The following EPC1 variants were observed in gnomAD, a reference collection of about 807,000 sequenced individuals.
EPC1 encodes enhancer of polycomb homolog 1.
EPC1 carries 12 observed loss-of-function variants against 98.4 expected under a neutral mutation model. The ratio of observed to expected loss-of-function variants is 0.12; its 90% confidence interval spans 0.08 to 0.20. The LOEUF (loss-of-function observed/expected upper bound fraction) is 0.20, where lower values mean the gene tolerates loss of function less well. Ranked by LOEUF, EPC1 falls within the 10% of genes least tolerant of loss-of-function variation. The probability of loss-of-function intolerance (pLI) is 1.00; values close to 1 mark genes in which losing one functional copy is unlikely to be tolerated. For synonymous variants in EPC1, 357 were observed against 363.9 expected, an observed-to-expected ratio of 0.98 and a Z score of 0.21; for missense variants, 729 against 990.5, an observed-to-expected ratio of 0.74 and a Z score of 3.54.
chr10:32,347,992 A>G (rs990987062), upstream of EPC1, among the ~76,000 whole-genome samples: 2 of 152,222 alleles, frequency 1.3e-5, no homozygotes, highest in Admixed American at 1.3e-4. Flanking sequence ...ACCCACCACT[A>G]TAACATTTAA....
At chr10:32,355,500 T>C (rs1839244577) in intron 1 of EPC1, among the ~76,000 whole-genome samples, 1 of 152,048 alleles carries the variant, frequency 6.6e-6, no homozygotes, top group Non-Finnish European at 1.5e-5. Context: ...TTAAATCCAT[T>C]GACTGGCACA....
rs963795169 is a variant in EPC1, at chr10:32,347,087, C to T, written c.-172G>A. ...CAGCCGGGAGGGTGGGAGGCTGTGC[C>T]GCTCCGCTCCTCTCTCGCTCGCTCT... On this transcript the variant is annotated 5_prime_UTR_variant, in exon 1 of 14. Coordinates refer to ENST00000319778, the MANE Select transcript of EPC1 (RefSeq NM_001272004.3). 12 of 1,443,638 alleles carry T rather than the reference C, an allele frequency of 8.3e-6. No individual in the cohort carries two copies. In the African/African-American group the frequency reaches 1.7e-4, roughly 21 times the overall value. 89.4% of individuals were successfully genotyped at this position (1,443,638 alleles called of 1,614,324 possible). A position where few individuals can be genotyped will look rare whatever the true frequency, so the allele number is the denominator to read the frequency against.
chr10:32,271,467 A>G (rs532756461), intron 13 of EPC1, 87 bp downstream of exon 13: 24 of 1,404,334 alleles, frequency 1.7e-5, no homozygotes, highest in Admixed American at 4.5e-5. Flanking sequence ...AAGAACAAGA[A>G]ACACAAAGAA....
chr10:32,351,187 C>T (rs886670989), upstream of EPC1, among the ~76,000 whole-genome samples: 4 of 152,174 alleles, frequency 2.6e-5, no homozygotes, highest in African/African-American at 9.6e-5. Flanking sequence ...ATCTTCCCTT[C>T]CCCAAGTCAT....
At position 32,299,565 on chromosome 10, in the gene EPC1, T is replaced by TCATCATCATC. The variant is rs72050442; in HGVS notation, c.314-5829_314-5828insGATGATGATG. Among the ~76,000 whole-genome samples, 66 of 138,744 alleles carry TCATCATCATC rather than the reference T, an allele frequency of 4.8e-4. No individual in the cohort carries two copies. In the South Asian group the frequency reaches 4.9e-3, roughly 10 times the overall value. The allele number at this position is 138,744 out of a possible 152,430, so 91.0% of individuals were successfully genotyped here. The stretch of plus-strand genomic sequence containing the variant: ...CCATCATCATCATCATCATCATCAT[T>TCATCATCATC]ATTATTATTATTAGCACATTCCTCA... On this transcript the variant is annotated intron_variant, in intron 2 of 13. Transcript: ENST00000319778.
At chr10:32,317,908 T>C (rs1316841196) in intron 1 of EPC1, among the ~76,000 whole-genome samples, 1 of 152,186 alleles carries the variant, frequency 6.6e-6, no homozygotes, top group Non-Finnish European at 1.5e-5. Context: ...TGTGAAACAT[T>C]TGCCAATTTA....
chr10:32,318,847 GTCTT>G (rs1279719044), intron 1 of EPC1, among the ~76,000 whole-genome samples: 3 of 152,094 alleles, frequency 2.0e-5, no homozygotes, highest in Admixed American at 6.5e-5. Context: ...CTCTCCACTG[GTCTT>G]TCTAAGAGTT....
At chr10:32,336,319 C>T (rs868709807) in intron 1 of EPC1, among the ~76,000 whole-genome samples, 1 of 151,896 alleles carries the variant, frequency 6.6e-6, no homozygotes, top group African/African-American at 2.4e-5. Flanking sequence ...CCACCTGCCT[C>T]GGCTTCTCAA....
At chr10:32,331,827 A>G (rs1446040051) in intron 1 of EPC1, among the ~76,000 whole-genome samples, 2 of 152,232 alleles carry the variant, frequency 1.3e-5, no homozygotes, top group African/African-American at 4.8e-5. Context: ...ATGTACAAGT[A>G]GCCTAAGCAC....
upstream of EPC1, chr10:32,347,221 G>C (rs1283978616): frequency 1.6e-6 from 2 of 1,226,588 alleles, no homozygotes; most frequent in Non-Finnish European, 2.0e-6. Flanking sequence ...GGGCACGCGG[G>C]CGGGGGGAGG....
chr10:32,327,418 C>T (rs78959390), intron 1 of EPC1, among the ~76,000 whole-genome samples: 23,462 of 151,998 alleles, frequency 0.15, 2,081 homozygotes, highest in South Asian at 0.33. Context: ...AACGACAGCA[C>T]ATTATATGTT....
intron 1 of EPC1, among the ~76,000 whole-genome samples, chr10:32,370,221 T>A (rs80223711): frequency 0.027 from 4,127 of 152,284 alleles, 177 homozygotes; most frequent in African/African-American, 0.092. Context: ...CAGTCAATTT[T>A]TTGCTTCACT....
chr10:32,362,707 C>A (rs1379309151), intron 1 of EPC1, among the ~76,000 whole-genome samples: 5 of 152,178 alleles, frequency 3.3e-5, no homozygotes, highest in Non-Finnish European at 5.9e-5. Flanking sequence ...TCTCTCCCAC[C>A]TGGATAGTTT....
At chr10:32,293,335 A>T (rs1175345618) in intron 3 of EPC1, 141 bp from the exon 4 acceptor site, 6 of 756,036 alleles carry the variant, frequency 7.9e-6, no homozygotes, top group African/African-American at 3.5e-5. Flanking sequence ...TATGCCTGTC[A>T]GTCACTGAAC....
rs2132622041 is a variant in EPC1 at position 32,268,477 on chromosome 10, ATGTCACCATTTTTTT to A, written c.*571_*585del. ...TTTTTTTTTGTAAAATTCTGTATGT[ATGTCACCATTTTTTT>A]TCACATGATACACAGAAAACTCAAG... On this transcript the variant is annotated 3_prime_UTR_variant, in exon 14 of 14. Transcript: ENST00000319778. The A allele has an allele frequency of 8.9e-6, 1 of 111,998 alleles. No homozygotes were observed. The highest frequency in any genetic ancestry group is 9.9e-5 in the Admixed American group (1 of 10,118). The allele number at this position is 111,998 out of a possible 1,614,324, so 6.9% of individuals were successfully genotyped here. A position where few individuals can be genotyped will look rare whatever the true frequency, so the allele number is the denominator to read the frequency against.
intron 10 of EPC1, chr10:32,283,462 C>T (rs1274693869): frequency 6.6e-6 from 1 of 152,174 alleles, no homozygotes. Flanking sequence ...GCGCTCACCA[C>T]CACACCCAGT....
chr10:32,375,977 A>C (rs1839863832), intron 1 of EPC1, among the ~76,000 whole-genome samples: 1 of 152,024 alleles, frequency 6.6e-6, no homozygotes, highest in African/African-American at 2.4e-5. Context: ...TAAAAAAAAT[A>C]ATGTTCAAGG....
In EPC1 at chr10:32,273,390, G is replaced by A. The variant is rs574933690; in HGVS notation, c.1745-109C>T. 125 of 1,354,708 alleles carry A rather than the reference G, an allele frequency of 9.2e-5. No individual in the cohort carries two copies. In the Middle Eastern group the frequency reaches 1.5e-3, roughly 16 times the overall value. The allele number at this position is 1,354,708 out of a possible 1,614,324, so 83.9% of individuals were successfully genotyped here. A position where few individuals can be genotyped will look rare whatever the true frequency, so the allele number is the denominator to read the frequency against. On this transcript the variant is annotated intron_variant, in intron 10 of 13. Coordinates refer to ENST00000319778, the MANE Select transcript of EPC1 (RefSeq NM_001272004.3). ...AAATCTGTGCAAAATTGAAGCATCT[G>A]ACAAAGGATCATGATCCTGCTAAAG...
At chr10:32,369,795 A>T (rs1168635284) in intron 1 of EPC1, among the ~76,000 whole-genome samples, 3 of 152,210 alleles carry the variant, frequency 2.0e-5, no homozygotes, top group Non-Finnish European at 4.4e-5. Flanking sequence ...AAGAGTTACC[A>T]TGTTTAGAAG....
Sources: allele counts gnomAD v4.1 joint callset (sites outside exome capture counted in the v4.1 genomes callset), GRCh38; gene constraint gnomAD v4.1.1; transcripts MANE v1.5; gene names NCBI Gene and HGNC (gene_info 2026-07-23, HGNC 2026-07-21).